IGFN1: variants seen among roughly 807,000 people sequenced by gnomAD.
The protein encoded by IGFN1 is immunoglobulin-like and fibronectin type III domain-containing protein 1.
In IGFN1, 253 loss-of-function variants were observed where a neutral mutation model predicts 289.5. That is an observed-to-expected ratio of 0.87 (90% CI 0.79 to 0.97). The LOEUF (loss-of-function observed/expected upper bound fraction) is 0.97, where lower values mean the gene tolerates loss of function less well. IGFN1 is among the 50% of genes least tolerant of loss of function. The probability of loss-of-function intolerance (pLI) is 0.00; values close to 1 mark genes in which losing one functional copy is unlikely to be tolerated. For missense variants in IGFN1, 4,470 were observed against 4,686.1 expected, an observed-to-expected ratio of 0.95 and a Z score of 1.35; for synonymous variants, 1,706 against 1,788.5, an observed-to-expected ratio of 0.95 and a Z score of 1.16.
chr1:201,198,845 T>C (rs1667025337), intron 5 of IGFN1, among the ~76,000 whole-genome samples: 1 of 152,212 alleles, frequency 6.6e-6, no homozygotes, highest in African/African-American at 2.4e-5. Flanking sequence ...GGTGAGTGTT[T>C]AGCTTTTTCA....
In IGFN1 at chr1:201,209,269, G is replaced by A. The variant is rs1172277838; in HGVS notation, c.4376G>A (p.Gly1459Asp). The A allele has an allele frequency of 2.7e-6, 4 of 1,487,780 alleles. No individual in the cohort carries two copies. Among genetic ancestry groups the A allele is most frequent in the East Asian group, 2.5e-5 (1 of 40,658 alleles). 92.2% of individuals were successfully genotyped at this position (1,487,780 alleles called of 1,614,324 possible). A position where few individuals can be genotyped will look rare whatever the true frequency, so the allele number is the denominator to read the frequency against. ...SGEMRSMDEA[G>D]YRKNLGAPER... ...GAAATGAGGTCAATGGATGAGGCAG[G>A]TTATAGGAAAAATTTGGGAGCTCCT... The change falls in exon 12 of 24, where the codon GGT becomes GAT. Residue 1459 changes from glycine (G) to aspartate (D), a missense_variant. Physicochemically the swap from Gly to Asp is moderately conservative, Grantham distance 94 (BLOSUM62 -1). Transcript: ENST00000335211.
In IGFN1 at chr1:201,215,626, C is replaced by A. The variant is rs1653187739; in HGVS notation, c.9083C>A (p.Pro3028His). The A allele has an allele frequency of 6.2e-7, 1 of 1,613,768 alleles. No individual in the cohort carries two copies. Among genetic ancestry groups the A allele is most frequent in the African/African-American group, 1.3e-5 (1 of 74,934 alleles). Reference sequence around the variant, plus strand: ...GGGAAGCCGGTGATAGTGAAGATCCCCTTCCAGAGCCACCTCCCCATTCAG... The same window carrying A: ...GGGAAGCCGGTGATAGTGAAGATCCACTTCCAGAGCCACCTCCCCATTCAG... ...KAGKPVIVKI[P>H]FQSHLPIQAA... The change falls in exon 15 of 24, where the codon CCC (proline) becomes CAC (histidine). Residue 3028 changes from proline (P) to histidine (H), a missense_variant. Physicochemically the swap from Pro to His is moderately conservative, Grantham distance 77. Coordinates refer to ENST00000335211, the MANE Select transcript of IGFN1 (RefSeq NM_001164586.2).
Position 201,207,233 on chromosome 1 carries a change from C to A in IGFN1, c.2340C>A (p.Asp780Glu). ...AYKTGPGGPG[D>E]PRGCEGVLQE... ...AAACTGGCCCTGGAGGCCCAGGAGA[C>A]CCCAGAGGCTGCGAAGGTGTCCTAC... The change falls in exon 12 of 24, where the codon GAC becomes GAA. Residue 780 changes from aspartate to glutamate, a missense_variant. By Grantham distance (45) the Asp-to-Glu change is conservative. Transcript: ENST00000335211. 6.5e-7 allele frequency: 1 copy of A among 1,536,754 alleles called. No homozygotes were observed. The highest frequency in any genetic ancestry group is 8.7e-7 in the Non-Finnish European group (1 of 1,146,852).
At chr1:201,204,041 T>C (rs1667283943) in intron 10 of IGFN1, 135 bp downstream of exon 10, 1 of 811,632 alleles carries the variant, frequency 1.2e-6, no homozygotes, top group East Asian at 2.8e-5. Flanking sequence ...GAGGGACACA[T>C]ACCTAGATGG....
At position 201,228,484 on chromosome 1, in the gene IGFN1, G is replaced by A. The variant is rs1348200464; in HGVS notation, c.*85G>A. 7.0e-7 allele frequency: 1 copy of A among 1,422,752 alleles called. No homozygotes were observed. Among genetic ancestry groups the A allele is most frequent in the Non-Finnish European group, 9.9e-7 (1 of 1,005,676 alleles). The allele number at this position is 1,422,752 out of a possible 1,614,324, so 88.1% of individuals were successfully genotyped here. On this transcript the variant is annotated 3_prime_UTR_variant, in exon 24 of 24. Coordinates refer to ENST00000335211, the MANE Select transcript of IGFN1 (RefSeq NM_001164586.2). ...GGCCCGGGAAGCCAATCCCAAGGAT[G>A]GAGGCTGTGCCCAGAGCCCCAGGAA...
rs145604829 is a variant in IGFN1, at chr1:201,224,191, G to A, written c.10291-488G>A. Among the ~76,000 whole-genome samples the A allele has an allele frequency of 6.7e-3, 1,022 of 152,244 alleles. 20 individuals are homozygous for A. The highest frequency in any genetic ancestry group is 0.023 in the African/African-American group (962 of 41,528). On this transcript the variant is annotated intron_variant, in intron 20 of 23. Transcript: ENST00000335211. ...CAGGGTCACCACAGTTCAAGGCCAG[G>A]ACACCGCAATCTTCCTCCTAGACTA...
intron 20 of IGFN1, among the ~76,000 whole-genome samples, chr1:201,223,726 G>A (rs1653903650): frequency 6.6e-6 from 1 of 152,114 alleles, no homozygotes; most frequent in African/African-American, 2.4e-5. Flanking sequence ...GTCAAAAGGG[G>A]ATAATAATAG....
chr1:201,212,733 G>A lies in IGFN1; in HGVS notation c.7840G>A (p.Gly2614Arg), dbSNP rs977846298. Residue 2614 changes from glycine (G) to arginine (R), a missense_variant, in exon 12 of 24, where the codon GGG becomes AGG. Physicochemically the swap from Gly to Arg is moderately radical, Grantham distance 125. Transcript: ENST00000335211. ...TGGGGGAAGGGGCAAGTCAACATCAGGGCCTGCTGATAGACAAGGGACGAG... is the reference window on the plus strand; with the variant it reads ...TGGGGGAAGGGGCAAGTCAACATCAAGGCCTGCTGATAGACAAGGGACGAG... Reference protein sequence around the residue: ...MPGGRGKSTSGPADRQGTSNA... With the variant: ...MPGGRGKSTSRPADRQGTSNA... 6 of 1,551,424 alleles carry A rather than the reference G, an allele frequency of 3.9e-6. No individual in the cohort carries two copies. The highest frequency in any genetic ancestry group is 5.2e-6 in the Non-Finnish European group (6 of 1,146,854).
chr1:201,207,190 T>C lies in IGFN1; in HGVS notation c.2297T>C (p.Val766Ala). ...GGTATATGCCGGGGGGAGTCTGTAG[T>C]TACAGGAAGTGCCTACAAAACTGGC... ...ADGICRGESV[V>A]TGSAYKTGPG... is the part of the protein sequence containing the mutation. The change falls in exon 12 of 24, where the codon GTT (valine) becomes GCT (alanine). Residue 766 changes from valine to alanine, a missense_variant. This residue lies in a region of IGFN1 where 2,011 missense variants were observed against 1,953.4 expected (regional missense o/e 1.03). Coordinates refer to ENST00000335211, the MANE Select transcript of IGFN1 (RefSeq NM_001164586.2). The C allele has an allele frequency of 6.5e-7, 1 of 1,536,740 alleles. No individual in the cohort carries two copies. The highest frequency in any genetic ancestry group is 8.7e-7 in the Non-Finnish European group (1 of 1,146,816).
rs1033175512 is a variant in IGFN1, at chr1:201,206,171, G to C, written c.1278G>C (p.Gly426=). Residue 426 remains glycine, a synonymous_variant, in exon 12 of 24, where the codon GGG becomes GGC. Transcript: ENST00000335211. ...GAQASGAEES[G]SIESQGEKSR... is the part of the protein sequence containing the mutation. ...AGGCATCAGGAGCAGAAGAGTCTGG[G>C]AGCATCGAGAGCCAGGGAGAGAAAT... 8.0e-5 allele frequency: 124 copies of C among 1,550,540 alleles called. No individual in the cohort carries two copies. The highest frequency in any genetic ancestry group is 1.0e-4 in the Non-Finnish European group (117 of 1,146,900).
chr1:201,203,842 C>T lies in IGFN1; in HGVS notation c.852C>T (p.Asp284=), dbSNP rs1398238903. The T allele has an allele frequency of 5.8e-6, 9 of 1,551,728 alleles. No individual in the cohort carries two copies. The highest frequency in any genetic ancestry group is 8.7e-7 in the Non-Finnish European group (1 of 1,146,986). Residue 284 remains aspartate, a synonymous_variant, in exon 10 of 24, where the codon GAC becomes GAT. Transcript: ENST00000335211. ...EFQIQDLRPE[D]SGIYQVKVED... is the part of the protein sequence containing the mutation. ...AGATTCAAGACCTGAGGCCTGAGGA[C>T]TCTGGCATTTACCAGGTCAAGGTGG...
Position 201,206,771 on chromosome 1 carries a change from G to A in IGFN1, c.1878G>A (p.Gln626=). The A allele has an allele frequency of 6.5e-7, 1 of 1,536,904 alleles. No homozygotes were observed. Among genetic ancestry groups the A allele is most frequent in the Non-Finnish European group, 8.7e-7 (1 of 1,146,912 alleles). ...TAGGGTCCTGGCCAAGAGGAAAGCAGATAGAGATTTCACAGGATGACAGCC... is the reference window on the plus strand; with the variant it reads ...TAGGGTCCTGGCCAAGAGGAAAGCAAATAGAGATTTCACAGGATGACAGCC... ...DPVGSWPRGK[Q]IEISQDDSLA... Residue 626 remains glutamine, a synonymous_variant, in exon 12 of 24, where the codon CAG becomes CAA. Transcript: ENST00000335211.
rs1031661691 is a variant in IGFN1 at position 201,214,368 on chromosome 1, G to C, written c.8853+67G>C. 9 of 1,474,248 alleles carry C rather than the reference G, an allele frequency of 6.1e-6. No homozygotes were observed. The African/African-American group carries it at 7.0e-5, about 12-fold the overall frequency. The allele number at this position is 1,474,248 out of a possible 1,614,324, so 91.3% of individuals were successfully genotyped here. ...ACAGAGGTAAAGCAGAGAGGGGCAA[G>C]AGCGTAGAGGCTTTGAAAGAAAGAT... On this transcript the variant is annotated intron_variant, in intron 13 of 23. Coordinates refer to ENST00000335211, the MANE Select transcript of IGFN1 (RefSeq NM_001164586.2).
intron 5 of IGFN1, among the ~76,000 whole-genome samples, chr1:201,198,986 A>G (rs1281941110): frequency 6.6e-6 from 1 of 152,222 alleles, no homozygotes; most frequent in Non-Finnish European, 1.5e-5. Flanking sequence ...GTGAAAGAGC[A>G]GCTGCCCCTT....
In IGFN1 at chr1:201,208,972, A is replaced by T; in HGVS notation, c.4079A>T (p.Tyr1360Phe). The change falls in exon 12 of 24, where the codon TAT becomes TTT. Residue 1360 changes from tyrosine to phenylalanine, a missense_variant. By Grantham distance (22) the Tyr-to-Phe change is conservative. This residue lies in a region of IGFN1 where 2,011 missense variants were observed against 1,953.4 expected (regional missense o/e 1.03). Transcript: ENST00000335211. ...GCGGGTTCAGGGAGCAAGGCAGATTATAGCGGTGGTTTAAAGGGTTCCAGG... is the reference window on the plus strand; with the variant it reads ...GCGGGTTCAGGGAGCAAGGCAGATTTTAGCGGTGGTTTAAAGGGTTCCAGG... Reference protein sequence around the residue: ...REAGSGSKADYSGGLKGSREI... With the variant: ...REAGSGSKADFSGGLKGSREI... 2.6e-6 allele frequency: 4 copies of T among 1,536,010 alleles called. No individual in the cohort carries two copies. Among genetic ancestry groups the T allele is most frequent in the Non-Finnish European group, 3.5e-6 (4 of 1,146,608 alleles).
At chr1:201,217,242 A>G in intron 16 of IGFN1, 45 bp from the exon 17 acceptor site, 1 of 1,587,636 alleles carries the variant, frequency 6.3e-7, no homozygotes, top group Non-Finnish European at 8.6e-7. Flanking sequence ...ATGAGCCGGC[A>G]CCTTTCCCAG....
chr1:201,213,712 G>A, intron 12 of IGFN1, 91 bp downstream of exon 12: 1 of 1,090,366 alleles, frequency 9.2e-7, no homozygotes, highest in Admixed American at 2.2e-5. Flanking sequence ...TCCCAGTTCT[G>A]CCTCCAGCCC....
At chr1:201,198,939 T>C (rs932943898) in intron 5 of IGFN1, among the ~76,000 whole-genome samples, 2 of 152,210 alleles carry the variant, frequency 1.3e-5, no homozygotes, top group South Asian at 4.1e-4. Flanking sequence ...TTTGGCAATA[T>C]TGGGCCTATA....
In IGFN1 at chr1:201,197,324, T is replaced by C. The variant is rs1159335395; in HGVS notation, c.367+7T>C. The C allele has an allele frequency of 6.5e-7, 1 of 1,531,390 alleles. No individual in the cohort carries two copies. The highest frequency in any genetic ancestry group is 8.9e-7 in the Non-Finnish European group (1 of 1,129,130). 94.9% of individuals were successfully genotyped at this position (1,531,390 alleles called of 1,614,324 possible). A position where few individuals can be genotyped will look rare whatever the true frequency, so the allele number is the denominator to read the frequency against. ...AGACTCACTGTCATCGAAGGTGGGC[T>C]TTTCCCTGAGTTTGTCTCATCAGTG... On this transcript the variant is annotated splice_region_variant and intron_variant, in intron 5 of 23. Transcript: ENST00000335211.
Sources: gnomAD v4.1 joint callset for allele counts (sites outside exome capture counted in the v4.1 genomes callset) on GRCh38, gnomAD v4.1.1 for gene constraint, gnomAD v4.1.1 regional missense constraint, MANE v1.5 for transcripts, NCBI Gene and HGNC (gene_info 2026-07-23, HGNC 2026-07-21) for gene names.